ZNF135: variants seen among roughly 807,000 people sequenced by gnomAD.
ZNF135 encodes the protein zinc finger protein 135 (clone pHZ-17).
Under a neutral mutation model 12.3 loss-of-function variants are expected in ZNF135, and 11 were observed. The ratio of observed to expected loss-of-function variants is 0.89; its 90% CI spans 0.56 to 1.48. ZNF135 has a LOEUF of 1.48. Among genes scored for constraint, ZNF135 ranks in the 40% most tolerant of loss-of-function variants. The probability of loss-of-function intolerance (pLI) is 0.00; values close to 1 mark genes in which losing one functional copy is unlikely to be tolerated. For missense variants in ZNF135, 722 were observed against 815.7 expected, an observed-to-expected ratio of 0.89 and a Z score of 1.40; for synonymous variants, 316 against 312.0, an observed-to-expected ratio of 1.01 and a Z score of -0.14.
Position 58,068,231 on chromosome 19 carries a change from T to C in ZNF135, c.1747T>C (p.Cys583Arg), listed in dbSNP as rs759189561. 4.3e-6 allele frequency: 7 copies of C among 1,613,570 alleles called. No individual in the cohort carries two copies. The East Asian group carries it at 1.6e-4, about 36-fold the overall frequency. Reference sequence around the variant, plus strand: ...GGAAAAGCCGTATGGGTGCAATGAGTGTGGGAAATCCTTCAGCCACAGCTC... The same window carrying C: ...GGAAAAGCCGTATGGGTGCAATGAGCGTGGGAAATCCTTCAGCCACAGCTC... Reference protein sequence around the residue: ...TKEKPYGCNECGKSFSHSSSL... With the variant: ...TKEKPYGCNERGKSFSHSSSL... Residue 583 changes from cysteine to arginine, a missense_variant, in exon 5 of 5, where the codon TGT becomes CGT. Physicochemically the swap from Cys to Arg is radical, Grantham distance 180. Coordinates refer to ENST00000313434, the MANE Select transcript of ZNF135 (RefSeq NM_001289401.2).
chr19:58,062,576 A>G (rs886274696), intron 3 of ZNF135, among the ~76,000 whole-genome samples: 3 of 146,336 alleles, frequency 2.1e-5, no homozygotes, highest in African/African-American at 7.6e-5. Context: ...TATATTTAGT[A>G]GAGACGGGGT....
Position 58,063,406 on chromosome 19 carries a change from G to A in ZNF135, c.161-40G>A. 6.2e-7 allele frequency: 1 copy of A among 1,612,476 alleles called. No individual in the cohort carries two copies. The highest frequency in any genetic ancestry group is 8.5e-7 in the Non-Finnish European group (1 of 1,179,112). On this transcript the variant is annotated intron_variant, in intron 3 of 4. Transcript: ENST00000313434. The surrounding 1 kb of genome is among the most constrained non-coding windows in gnomAD (Gnocchi z 4.4). ...TGGGCTGAGGCTCAGGAAGGGTCCT[G>A]GGATACAAATGCTCACTCTATGGGT...
chr19:58,068,096 A>G lies in ZNF135; in HGVS notation c.1612A>G (p.Ile538Val), dbSNP rs73938600. 8.6e-4 allele frequency: 1,389 copies of G among 1,614,126 alleles called. 11 individuals are homozygous for G. In the African/African-American group the frequency reaches 0.016, roughly 19 times the overall value. ...GRAFSQLAPLIQHQRIHTGEK... is the reference protein window; with the variant it reads ...GRAFSQLAPLVQHQRIHTGEK... ...AGCCTTCAGCCAGCTTGCTCCCCTC[A>G]TTCAGCATCAGAGGATCCACACAGG... Residue 538 changes from isoleucine to valine, a missense_variant, in exon 5 of 5, where the codon ATT (isoleucine) becomes GTT (valine). Coordinates refer to ENST00000313434, the MANE Select transcript of ZNF135 (RefSeq NM_001289401.2).
chr19:58,063,938 G>A lies in ZNF135; in HGVS notation c.256+397G>A, dbSNP rs1301834200. ...TGAAGCCTGAGCCATGAGGCAGTCT[G>A]AGTGAACAGTAGTATTTCAGGCAGA... On this transcript the variant is annotated intron_variant, in intron 4 of 4. Coordinates refer to ENST00000313434, the MANE Select transcript of ZNF135 (RefSeq NM_001289401.2). This position sits in a 1 kb window ranked among gnomAD's most constrained non-coding sequence, Gnocchi z 4.4. 6.6e-6 allele frequency among the ~76,000 whole-genome samples: 1 copy of A among 152,200 alleles called. No homozygotes were observed. Among genetic ancestry groups the A allele is most frequent in the Non-Finnish European group, 1.5e-5 (1 of 68,044 alleles).
chr19:58,068,513 C>G lies in ZNF135; in HGVS notation c.*52C>G. ...AGGAAGACCTTAAGCCATAGCTCAT[C>G]CCTTTCTAGATTTGACCCAATCATA... On this transcript the variant is annotated 3_prime_UTR_variant, in exon 5 of 5. Transcript: ENST00000313434. The G allele has an allele frequency of 6.4e-7, 1 of 1,569,468 alleles. No homozygotes were observed. Among genetic ancestry groups the G allele is most frequent in the Non-Finnish European group, 8.6e-7 (1 of 1,158,202 alleles).
At position 58,059,355 on chromosome 19, in the gene ZNF135, C is replaced by CG; in HGVS notation, c.-35+48dup. 1.3e-6 allele frequency: 1 copy of CG among 766,742 alleles called. No individual in the cohort carries two copies. The highest frequency in any genetic ancestry group is 1.7e-6 in the Non-Finnish European group (1 of 574,774). The allele number at this position is 766,742 out of a possible 1,614,324, so 47.5% of individuals were successfully genotyped here. ...AGGGGGAGGGGAGGCCAGGCCGGGC[C>CG]GGGCCGGGCCGGGTGCGGGGGGTCC... On this transcript the variant is annotated intron_variant, in intron 1 of 4. Coordinates refer to ENST00000313434, the MANE Select transcript of ZNF135 (RefSeq NM_001289401.2). The surrounding 1 kb of genome is among the most constrained non-coding windows in gnomAD (Gnocchi z 6.5).
Position 58,063,507 on chromosome 19 carries a change from G to A in ZNF135, c.222G>A (p.Ala74=), listed in dbSNP as rs762960744. ...SLLEQEAELW[A]VESRLPQGVY... is the part of the protein sequence containing the mutation. ...TGGAGCAAGAGGCAGAGCTGTGGGC[G>A]GTGGAGTCTAGACTTCCCCAAGGCG... Residue 74 remains alanine, a synonymous_variant, in exon 4 of 5, where the codon GCG becomes GCA. Transcript: ENST00000313434. The surrounding 1 kb of genome is among the most constrained non-coding windows in gnomAD (Gnocchi z 4.4). 1.2e-5 allele frequency: 20 copies of A among 1,614,000 alleles called. No individual in the cohort carries two copies. The highest frequency in any genetic ancestry group is 2.7e-5 in the African/African-American group (2 of 74,920).
rs2074093647 is a variant in ZNF135 at position 58,067,472 on chromosome 19, G to A, written c.988G>A (p.Glu330Lys). ...HTGEKPYECS[E>K]CGKAFRQSIH... ...AGGCGAGAAGCCCTACGAGTGCAGT[G>A]AGTGTGGGAAAGCCTTCCGGCAAAG... Residue 330 changes from glutamate (E) to lysine (K), a missense_variant, in exon 5 of 5, where the codon GAG becomes AAG. By Grantham distance (56) the Glu-to-Lys change is moderately conservative. Coordinates refer to ENST00000313434, the MANE Select transcript of ZNF135 (RefSeq NM_001289401.2). 1.2e-6 allele frequency: 2 copies of A among 1,613,830 alleles called. No homozygotes were observed. The highest frequency in any genetic ancestry group is 1.3e-5 in the African/African-American group (1 of 74,934).
intron 4 of ZNF135, among the ~76,000 whole-genome samples, chr19:58,066,407 T>C (rs542810585): frequency 6.7e-6 from 1 of 150,192 alleles, no homozygotes; most frequent in Non-Finnish European, 1.5e-5. Context: ...CTGAGTGCTC[T>C]CTCCTGGGCA....
rs2228277 is a variant in ZNF135 at position 58,068,004 on chromosome 19, C to T, written c.1520C>T (p.Ser507Leu). The T allele has an allele frequency of 7.4e-6, 12 of 1,613,772 alleles. No homozygotes were observed. The African/African-American group carries it at 9.4e-5, about 13-fold the overall frequency. Residue 507 changes from serine (S) to leucine (L), a missense_variant, in exon 5 of 5, where the codon TCG becomes TTG. By Grantham distance (145) the Ser-to-Leu change is moderately radical. Coordinates refer to ENST00000313434, the MANE Select transcript of ZNF135 (RefSeq NM_001289401.2). ...TGCGGCAAGGCATTCAGTCACAGCT[C>T]GTCCCTCACCAAACATCAGCGAATC... The part of the protein sequence containing the change: ...NDCGKAFSHS[S>L]SLTKHQRIHT...
chr19:58,067,910 C>G lies in ZNF135; in HGVS notation c.1426C>G (p.Arg476Gly). ...YECSQCGKAF[R>G]QSTHLTQHQR... Reference sequence around the variant, plus strand: ...GTGCAGTCAGTGTGGGAAGGCCTTCCGGCAGAGCACACACCTCACCCAACA... The same window carrying G: ...GTGCAGTCAGTGTGGGAAGGCCTTCGGGCAGAGCACACACCTCACCCAACA... Residue 476 changes from arginine (R) to glycine (G), a missense_variant, in exon 5 of 5, where the codon CGG (arginine) becomes GGG (glycine). Physicochemically the swap from Arg to Gly is moderately radical, Grantham distance 125. Coordinates refer to ENST00000313434, the MANE Select transcript of ZNF135 (RefSeq NM_001289401.2). 6.3e-7 allele frequency: 1 copy of G among 1,599,812 alleles called. No homozygotes were observed. The highest frequency in any genetic ancestry group is 8.5e-7 in the Non-Finnish European group (1 of 1,175,126).
At chr19:58,061,775 T>G in intron 3 of ZNF135, 69 bp downstream of exon 3, 1 of 1,530,966 alleles carries the variant, frequency 6.5e-7, no homozygotes, top group Non-Finnish European at 8.8e-7. Flanking sequence ...CCAGGTTAAA[T>G]ATTTATAGGA....
Position 58,063,122 on chromosome 19 carries a change from A to G in ZNF135, c.161-324A>G, listed in dbSNP as rs1479675369. 6.6e-6 allele frequency among the ~76,000 whole-genome samples: 1 copy of G among 152,178 alleles called. No homozygotes were observed. Among genetic ancestry groups the G allele is most frequent in the Non-Finnish European group, 1.5e-5 (1 of 68,032 alleles). ...CCTGCAACCAAGACCAGCAGAAAAG[A>G]CAGGATCTGTGTCCCAGGGTTGTCC... is the stretch of plus-strand genomic sequence containing the variant. On this transcript the variant is annotated intron_variant, in intron 3 of 4. Coordinates refer to ENST00000313434, the MANE Select transcript of ZNF135 (RefSeq NM_001289401.2). This position sits in a 1 kb window ranked among gnomAD's most constrained non-coding sequence, Gnocchi z 4.4.
In ZNF135 at chr19:58,068,340, C is replaced by T. The variant is rs1379949600; in HGVS notation, c.1856C>T (p.Thr619Ile). ...TGCGGAAAGTCCTTTAGGCAGAGCA[C>T]CCACCTCACTCAGCACCGGAGGATC... Reference protein sequence around the residue: ...HDCGKSFRQSTHLTQHRRIHT... With the variant: ...HDCGKSFRQSIHLTQHRRIHT... The change falls in exon 5 of 5, where the codon ACC becomes ATC. Residue 619 changes from threonine to isoleucine, a missense_variant. Transcript: ENST00000313434. The T allele has an allele frequency of 6.2e-7, 1 of 1,613,768 alleles. No individual in the cohort carries two copies. The highest frequency in any genetic ancestry group is 8.5e-7 in the Non-Finnish European group (1 of 1,179,936).
At position 58,060,307 on chromosome 19, in the gene ZNF135, G is replaced by A. The variant is rs2123467291; in HGVS notation, c.33+272G>A. The A allele has an allele frequency of 2.2e-6, 3 of 1,362,826 alleles. No homozygotes were observed. The highest frequency in any genetic ancestry group is 3.1e-5 in the Admixed American group (1 of 32,442). The allele number at this position is 1,362,826 out of a possible 1,614,324, so 84.4% of individuals were successfully genotyped here. ...GCACATCTAGCCTCTACTCGTGTCC[G>A]GCCTCTACCTGCACACCCGGCCTCC... On this transcript the variant is annotated intron_variant, in intron 2 of 4. Transcript: ENST00000313434. The surrounding 1 kb of genome is among the most constrained non-coding windows in gnomAD (Gnocchi z 4.9).
In ZNF135 at chr19:58,063,422, C is replaced by T; in HGVS notation, c.161-24C>T. The T allele has an allele frequency of 6.2e-6, 10 of 1,613,678 alleles. No homozygotes were observed. The highest frequency in any genetic ancestry group is 8.5e-6 in the Non-Finnish European group (10 of 1,179,768). On this transcript the variant is annotated intron_variant, in intron 3 of 4. Transcript: ENST00000313434. The surrounding 1 kb of genome is among the most constrained non-coding windows in gnomAD (Gnocchi z 4.4). The stretch of plus-strand genomic sequence containing the variant: ...AAGGGTCCTGGGATACAAATGCTCA[C>T]TCTATGGGTCTCTCCCTGAGCAGGA...
upstream of ZNF135, chr19:58,059,239 G>A (rs2073918267): frequency 1.3e-6 from 2 of 1,586,546 alleles, no homozygotes; most frequent in Non-Finnish European, 1.7e-6. The surrounding 1 kb of genome is among the most constrained non-coding windows in gnomAD (Gnocchi z 6.5). Context: ...GGCTCTCTGG[G>A]AAATGGAGTT....
Position 58,059,685 on chromosome 19 carries a change from G to T in ZNF135, c.-34-284G>T. 1.9e-6 allele frequency: 1 copy of T among 526,854 alleles called. No homozygotes were observed. Among genetic ancestry groups the T allele is most frequent in the Non-Finnish European group, 3.3e-6 (1 of 300,840 alleles). 32.6% of individuals were successfully genotyped at this position (526,854 alleles called of 1,614,324 possible). A position where few individuals can be genotyped will look rare whatever the true frequency, so the allele number is the denominator to read the frequency against. On this transcript the variant is annotated intron_variant, in intron 1 of 4. Coordinates refer to ENST00000313434, the MANE Select transcript of ZNF135 (RefSeq NM_001289401.2). The surrounding 1 kb of genome is among the most constrained non-coding windows in gnomAD (Gnocchi z 6.5). ...GCATAGTGCCCAGGGCCAGGGGACC[G>T]CAACCACCCGGCCCTTGTCACTGTA...
chr19:58,061,045 G>A (rs1169881656), intron 2 of ZNF135, among the ~76,000 whole-genome samples: 1 of 151,584 alleles, frequency 6.6e-6, no homozygotes, highest in Non-Finnish European at 1.5e-5. Flanking sequence ...GGAGAATGGC[G>A]TGAACCCAGG....
Sources: allele counts gnomAD v4.1 joint callset (sites outside exome capture counted in the v4.1 genomes callset), GRCh38; gene constraint gnomAD v4.1.1; non-coding constraint Gnocchi (gnomAD v3.1); transcripts MANE v1.5; gene names NCBI Gene and HGNC (gene_info 2026-07-23, HGNC 2026-07-21).